ERP27: variants seen among roughly 807,000 people sequenced by gnomAD.
The protein encoded by ERP27 is endoplasmic reticulum resident protein 27.
In ERP27, 23 loss-of-function variants were observed where a neutral mutation model predicts 27.7. The observed-to-expected ratio is 0.83, with a 90% CI of 0.60 to 1.18. The LOEUF is 1.18. Ranked by LOEUF, ERP27 falls within the 50% of genes most tolerant of loss-of-function variation. The pLI is 0.00. For missense variants in ERP27, 363 were observed against 327.9 expected, an observed-to-expected ratio of 1.11 and a Z score of -0.83; for synonymous variants, 159 against 118.3, an observed-to-expected ratio of 1.34 and a Z score of -2.23.
intron 3 of ERP27, among the ~76,000 whole-genome samples, chr12:14,931,695 C>T (rs999864381): frequency 5.9e-5 from 9 of 151,972 alleles, no homozygotes; most frequent in Non-Finnish European, 1.5e-5. Flanking sequence ...TTGTAAGCAA[C>T]GCCAGTGCTC....
At chr12:14,931,093 C>A (rs182352843) in intron 3 of ERP27, among the ~76,000 whole-genome samples, 1 of 152,046 alleles carries the variant, frequency 6.6e-6, no homozygotes, top group African/African-American at 2.4e-5. Context: ...ATGCTGGGTA[C>A]GAATCAGACA....
At chr12:14,936,137 G>T (rs1863770076) in intron 2 of ERP27, among the ~76,000 whole-genome samples, 1 of 151,638 alleles carries the variant, frequency 6.6e-6, no homozygotes, top group South Asian at 2.1e-4. Flanking sequence ...TTACATTTGT[G>T]GATGAAAGGA....
chr12:14,936,725 C>T (rs1863779052), intron 2 of ERP27, among the ~76,000 whole-genome samples: 1 of 152,070 alleles, frequency 6.6e-6, no homozygotes, highest in East Asian at 1.9e-4. Flanking sequence ...AAGCGTCTGG[C>T]ATTCCCCTGC....
intron 3 of ERP27, among the ~76,000 whole-genome samples, chr12:14,921,379 A>G (rs10846082): frequency 0.56 from 85,364 of 151,990 alleles, 25,145 homozygotes; most frequent in East Asian, 0.83. Flanking sequence ...GGAGCTTTAA[A>G]TAGAGAACAG....
intron 1 of ERP27, 150 bp downstream of exon 1, chr12:14,938,265 T>C (rs1462979637): frequency 2.4e-6 from 2 of 849,104 alleles, no homozygotes; most frequent in Admixed American, 2.1e-5. Flanking sequence ...CAGACTTCCC[T>C]ACTCTCTACC....
At chr12:14,927,648 G>A (rs1321506870) in intron 3 of ERP27, among the ~76,000 whole-genome samples, 2 of 152,006 alleles carry the variant, frequency 1.3e-5, no homozygotes, top group African/African-American at 2.4e-5. Flanking sequence ...ACAAAAAGCA[G>A]TCCTCAATGC....
intron 4 of ERP27, among the ~76,000 whole-genome samples, chr12:14,919,692 G>A (rs1414117322): frequency 6.6e-6 from 1 of 152,058 alleles, no homozygotes; most frequent in Admixed American, 6.6e-5. Context: ...AAAAAGCAAG[G>A]GCAACTACAT....
In ERP27 at chr12:14,928,712, C is replaced by T. The variant is rs190175945; in HGVS notation, c.333+6144G>A. On this transcript the variant is annotated intron_variant, in intron 3 of 6. Coordinates refer to ENST00000266397, the MANE Select transcript of ERP27 (RefSeq NM_152321.4). ...AAAACCACAGGGTAAAAATGAACTC[C>T]TTGTGTATATTTAATTGTTTAAAAA... Among the ~76,000 whole-genome samples, 1,159 of 152,212 alleles carry T rather than the reference C, an allele frequency of 7.6e-3. 7 individuals carry two copies. The highest frequency in any genetic ancestry group is 0.012 in the Non-Finnish European group (824 of 67,992).
At chr12:14,930,892 C>G (rs571803468) in intron 3 of ERP27, among the ~76,000 whole-genome samples, 4 of 151,980 alleles carry the variant, frequency 2.6e-5, no homozygotes, top group African/African-American at 9.7e-5. Flanking sequence ...ATAAATAATT[C>G]TGCAGTTTGA....
At chr12:14,928,649 A>G (rs1863648218) in intron 3 of ERP27, among the ~76,000 whole-genome samples, 1 of 152,264 alleles carries the variant, frequency 6.6e-6, no homozygotes, top group Non-Finnish European at 1.5e-5. Flanking sequence ...GAGGTACAGA[A>G]AAGTTTGTAT....
intron 3 of ERP27, among the ~76,000 whole-genome samples, chr12:14,923,343 T>C (rs553212112): frequency 1.3e-5 from 2 of 152,036 alleles, no homozygotes; most frequent in East Asian, 3.9e-4. Context: ...AGCCTTCATA[T>C]TTGTATGAGC....
intron 3 of ERP27, chr12:14,928,941 C>A (rs527939509): frequency 2.0e-6 from 3 of 1,535,020 alleles, no homozygotes; most frequent in Non-Finnish European, 2.6e-6. Context: ...ATGCTGCTAC[C>A]GACCTGTATT....
chr12:14,933,148 G>T (rs141120376), intron 3 of ERP27, among the ~76,000 whole-genome samples: 1 of 152,242 alleles, frequency 6.6e-6, no homozygotes, highest in Non-Finnish European at 1.5e-5. Flanking sequence ...AGCACCTACT[G>T]CACAGCAGGC....
chr12:14,936,411 G>A (rs73300970), intron 2 of ERP27, among the ~76,000 whole-genome samples: 108 of 152,098 alleles, frequency 7.1e-4, no homozygotes, highest in Non-Finnish European at 1.3e-3. Context: ...TTCCATAGAC[G>A]CTGGCATCAT....
At position 14,915,509 on chromosome 12, in the gene ERP27, A is replaced by C; in HGVS notation, c.754T>G (p.Phe252Val). 6.2e-7 allele frequency: 1 copy of C among 1,614,100 alleles called. No individual in the cohort carries two copies. The change falls in exon 6 of 7, where the codon TTC becomes GTC. Residue 252 changes from phenylalanine to valine, a missense_variant. Physicochemically the swap from Phe to Val is conservative, Grantham distance 50. Transcript: ENST00000266397. ...VEHVQNFCDG[F>V]LSGKLLKENR... is the part of the protein sequence containing the mutation. ...CTTACCAACAATTTTCCACTTAGGA[A>C]TCCATCACAAAAGTTTTGCACATGC...
intron 4 of ERP27, among the ~76,000 whole-genome samples, chr12:14,918,432 C>G (rs995903954): frequency 2.0e-5 from 3 of 152,170 alleles, no homozygotes; most frequent in Admixed American, 2.0e-4. Context: ...TTGTCAATGA[C>G]TTAGAGGAGT....
chr12:14,935,139 C>T, intron 2 of ERP27, 146 bp from the exon 3 acceptor site: 2 of 1,443,868 alleles, frequency 1.4e-6, no homozygotes, highest in Non-Finnish European at 1.8e-6. Context: ...CCTAACAATT[C>T]AGGTTTAACT....
At chr12:14,934,277 A>G (rs1442761944) in intron 3 of ERP27, among the ~76,000 whole-genome samples, 1 of 151,474 alleles carries the variant, frequency 6.6e-6, no homozygotes, top group African/African-American at 2.4e-5. Flanking sequence ...GAATTCCCAC[A>G]CTGTTTCTAT....
intron 3 of ERP27, 40 bp from the exon 4 acceptor site, chr12:14,921,088 T>C: frequency 6.5e-7 from 1 of 1,540,312 alleles, no homozygotes. Context: ...TATTCCATCT[T>C]TTTTTCATGT....
Sources: allele counts gnomAD v4.1 joint callset (sites outside exome capture counted in the v4.1 genomes callset), GRCh38; gene constraint gnomAD v4.1.1; transcripts MANE v1.5; gene names NCBI Gene and HGNC (gene_info 2026-07-23, HGNC 2026-07-21).